The following NFATC2 variants were observed in gnomAD, a reference collection of about 807,000 sequenced individuals.
NFATC2 encodes the protein nuclear factor of activated T-cells, cytoplasmic 2.
Under a neutral mutation model 87.3 loss-of-function variants are expected in NFATC2, and 22 were observed. That is an observed-to-expected ratio of 0.25 (90% CI 0.18 to 0.36). The LOEUF (loss-of-function observed/expected upper bound fraction) is 0.36. NFATC2 is among the 10% of genes least tolerant of loss of function. The probability of loss-of-function intolerance (pLI) is 1.00; values close to 1 mark genes in which losing one functional copy is unlikely to be tolerated. For synonymous variants in NFATC2, 565 were observed against 542.2 expected (o/e 1.04, Z -0.58); for missense variants, 1,149 against 1,259.1 (o/e 0.91, Z 1.32).
At chr20:51,400,584 G>A (rs571259821) in intron 9 of NFATC2, among the ~76,000 whole-genome samples, 14 of 152,290 alleles carry the variant, frequency 9.2e-5, no homozygotes, top group African/African-American at 3.4e-4. Flanking sequence ...GCATTCGGAG[G>A]TGCAGCTTCC....
intron 1 of NFATC2, among the ~76,000 whole-genome samples, chr20:51,548,845 T>C (rs1252418622): frequency 1.3e-5 from 2 of 152,364 alleles, no homozygotes; most frequent in South Asian, 2.1e-4. Context: ...CTCAGCTTTA[T>C]GGGACTCAAC....
intron 10 of NFATC2, among the ~76,000 whole-genome samples, chr20:51,395,586 G>A (rs1001324128): frequency 2.6e-4 from 11 of 42,768 alleles, no homozygotes; most frequent in Non-Finnish European, 4.1e-5. Context: ...CTAAAAGACT[G>A]ATGGAGAATG....
chr20:51,429,000 G>A (rs938857659), intron 9 of NFATC2, among the ~76,000 whole-genome samples: 1 of 152,218 alleles, frequency 6.6e-6, no homozygotes. Context: ...GACCAAGGAA[G>A]TTGCCCCACC....
chr20:51,548,058 T>G lies in NFATC2; in HGVS notation c.70+14502A>C, dbSNP rs2869425. Among the ~76,000 whole-genome samples the G allele has an allele frequency of 9.2e-3, 1,394 of 152,240 alleles. 23 individuals carry two copies. Among genetic ancestry groups the G allele is most frequent in the African/African-American group, 0.032 (1,319 of 41,524 alleles). On this transcript the variant is annotated intron_variant, in intron 1 of 10. Transcript: ENST00000414705. ...TTAAAATTAAATACAAAGCCCTTGGTCTGCAAGGCCCTACGTAAGCTACGT... is the reference window on the plus strand; with the variant it reads ...TTAAAATTAAATACAAAGCCCTTGGGCTGCAAGGCCCTACGTAAGCTACGT...
In NFATC2 at chr20:51,562,012, A is replaced by C. The variant is rs1197412931; in HGVS notation, c.70+548T>G. 6.6e-6 allele frequency among the ~76,000 whole-genome samples: 1 copy of C among 152,010 alleles called. No individual in the cohort carries two copies. The highest frequency in any genetic ancestry group is 1.9e-4 in the East Asian group (1 of 5,182). On this transcript the variant is annotated intron_variant, in intron 1 of 10. Transcript: ENST00000414705. This position sits in a 1 kb window ranked among gnomAD's most constrained non-coding sequence, Gnocchi z 5.8. ...TGCACTTTAAAGGGGTAGCTGGAGG[A>C]CTCTATCCAGCAGGCACATCAAAAA...
intron 1 of NFATC2, among the ~76,000 whole-genome samples, chr20:51,527,038 A>G (rs918745229): frequency 4.0e-5 from 6 of 151,670 alleles, no homozygotes; most frequent in African/African-American, 1.2e-4. Context: ...AGCTGGGACT[A>G]CCAGTGCACA....
At chr20:51,411,615 C>T (rs1979273727) in intron 9 of NFATC2, among the ~76,000 whole-genome samples, 1 of 148,174 alleles carries the variant, frequency 6.7e-6, no homozygotes, top group Non-Finnish European at 1.5e-5. Flanking sequence ...GCAACCTCTG[C>T]CTCCCAGGTT....
intron 9 of NFATC2, among the ~76,000 whole-genome samples, chr20:51,404,419 G>A (rs1228510202): frequency 6.6e-6 from 1 of 152,194 alleles, no homozygotes; most frequent in African/African-American, 2.4e-5. Flanking sequence ...AAACATGCAA[G>A]GCACATCATA....
intron 5 of NFATC2, among the ~76,000 whole-genome samples, chr20:51,468,602 C>T (rs1317420450): frequency 1.3e-5 from 2 of 152,192 alleles, no homozygotes; most frequent in African/African-American, 2.4e-5. Context: ...TAAGTTCTCA[C>T]AGGACCAGGT....
rs370555819 is a variant in NFATC2, at chr20:51,464,834, A to G, written c.1708+9146T>C. 4.5e-4 allele frequency among the ~76,000 whole-genome samples: 69 copies of G among 152,330 alleles called. 1 individual carries two copies. In the South Asian group the frequency reaches 0.014, roughly 31 times the overall value. ...ATGCCCCGAGGCTCAGTGGGATGCA[A>G]TGTTACCACTGGCTTGCCCCTCACT... On this transcript the variant is annotated intron_variant, in intron 5 of 10. Coordinates refer to ENST00000371564, the MANE Select transcript of NFATC2 (RefSeq NM_012340.5).
chr20:51,502,200 T>A (rs2076099456), intron 3 of NFATC2, among the ~76,000 whole-genome samples: 1 of 152,216 alleles, frequency 6.6e-6, no homozygotes, highest in Non-Finnish European at 1.5e-5. Flanking sequence ...AGAAGCCCAA[T>A]GTTTGTTGAA....
chr20:51,424,563 A>T (rs910871019), intron 9 of NFATC2, among the ~76,000 whole-genome samples: 1 of 152,190 alleles, frequency 6.6e-6, no homozygotes, highest in Non-Finnish European at 1.5e-5. Context: ...GTTACAAAAG[A>T]GGGCAGTGAT....
Position 51,474,097 on chromosome 20 carries a change from C to T in NFATC2, c.1591G>A (p.Gly531Ser), listed in dbSNP as rs953797017. 2 of 1,614,254 alleles carry T rather than the reference C, an allele frequency of 1.2e-6. No homozygotes were observed. The highest frequency in any genetic ancestry group is 1.7e-6 in the Non-Finnish European group (2 of 1,180,054). The part of the protein sequence containing the change: ...LRNADIELRK[G>S]ETDIGRKNTR... ...TTCTTTCTTCCAATGTCCGTCTCGC[C>T]TTTCCGCAGCTCAATGTCGGCGTTT... Residue 531 changes from glycine to serine, a missense_variant, in exon 5 of 11, where the codon GGC becomes AGC. Coordinates refer to ENST00000371564, the MANE Select transcript of NFATC2 (RefSeq NM_012340.5).
At chr20:51,415,788 T>C (rs1979962182) in intron 9 of NFATC2, among the ~76,000 whole-genome samples, 1 of 152,168 alleles carries the variant, frequency 6.6e-6, no homozygotes, top group Non-Finnish European at 1.5e-5. Flanking sequence ...AATACCGCAC[T>C]TTATCAGCCT....
upstream of NFATC2, chr20:51,562,819 G>T (rs777702500): frequency 7.2e-6 from 4 of 552,076 alleles, no homozygotes; most frequent in African/African-American, 2.0e-5. The surrounding 1 kb of genome is among the most constrained non-coding windows in gnomAD (Gnocchi z 5.8). Context: ...TCCGCGATCC[G>T]GCTTACTCCA....
chr20:51,544,629 C>A (rs73263761), upstream of NFATC2, among the ~76,000 whole-genome samples: 1 of 152,304 alleles, frequency 6.6e-6, no homozygotes, highest in African/African-American at 2.4e-5. Context: ...CAGTTATGAA[C>A]GGGGTTTTCA....
intron 9 of NFATC2, among the ~76,000 whole-genome samples, chr20:51,400,021 C>T (rs1987824969): frequency 1.3e-5 from 2 of 151,988 alleles, no homozygotes; most frequent in South Asian, 4.1e-4. Context: ...TGATGGGAAA[C>T]ACACATTCTC....
At chr20:51,418,375 T>A (rs770509730) in intron 9 of NFATC2, among the ~76,000 whole-genome samples, 16 of 152,200 alleles carry the variant, frequency 1.1e-4, no homozygotes, top group Non-Finnish European at 1.8e-4. Flanking sequence ...GATGGCCACA[T>A]CTGGGGTGCT....
intron 3 of NFATC2, among the ~76,000 whole-genome samples, chr20:51,486,530 T>A: frequency 6.6e-6 from 1 of 152,206 alleles, no homozygotes; most frequent in African/African-American, 2.4e-5. Flanking sequence ...CATGTCTTCC[T>A]GTTTATTTCC....
Sources: allele counts gnomAD v4.1 joint callset (sites outside exome capture counted in the v4.1 genomes callset), GRCh38; gene constraint gnomAD v4.1.1; non-coding constraint Gnocchi (gnomAD v3.1); transcripts MANE v1.5; gene names NCBI Gene and HGNC (gene_info 2026-07-23, HGNC 2026-07-21).